TTLL7: variants seen among roughly 807,000 people sequenced by gnomAD.
TTLL7 encodes tubulin polyglutamylase TTLL7.
Under a neutral mutation model 120.2 loss-of-function variants are expected in TTLL7, and 53 were observed. The ratio of observed to expected loss-of-function variants is 0.44; its 90% CI spans 0.35 to 0.55. The LOEUF (loss-of-function observed/expected upper bound fraction) is 0.55. Ranked by LOEUF, TTLL7 falls within the 20% of genes least tolerant of loss-of-function variation. The pLI is 0.00. For synonymous variants in TTLL7, 353 were observed against 351.7 expected (o/e 1.00, Z -0.04); for missense variants, 803 against 1,054.7 (o/e 0.76, Z 3.31).
At chr1:83,883,210 G>T in intron 19 of TTLL7, 74 bp from the exon 20 acceptor site, 1 of 1,206,920 alleles carries the variant, frequency 8.3e-7, no homozygotes, top group Non-Finnish European at 1.1e-6. Flanking sequence ...CACTTCCCTA[G>T]CAACAAACCA....
chr1:83,951,252 G>C (rs1395447207), intron 3 of TTLL7, among the ~76,000 whole-genome samples: 1 of 152,026 alleles, frequency 6.6e-6, no homozygotes, highest in East Asian at 1.9e-4. Context: ...GCGAAACTGA[G>C]GCAGGAGAAT....
intron 3 of TTLL7, among the ~76,000 whole-genome samples, 179 bp downstream of exon 3, chr1:83,951,666 T>C (rs1425018430): frequency 3.9e-5 from 6 of 152,232 alleles, no homozygotes; most frequent in African/African-American, 1.2e-4. Flanking sequence ...TTTAAGGATA[T>C]CATCTTCTAC....
intron 8 of TTLL7, 70 bp from the exon 9 acceptor site, chr1:83,933,836 G>T: frequency 1.3e-6 from 2 of 1,484,152 alleles, no homozygotes; most frequent in Non-Finnish European, 1.8e-6. Flanking sequence ...TATAACCGGG[G>T]CCCACAAACT....
At chr1:83,882,835 C>A in intron 20 of TTLL7, 128 bp downstream of exon 20, 1 of 1,024,712 alleles carries the variant, frequency 9.8e-7, no homozygotes, top group Non-Finnish European at 1.4e-6. Context: ...CAGATAATAG[C>A]ATGTATGAAC....
intron 1 of TTLL7, among the ~76,000 whole-genome samples, chr1:83,953,494 A>T (rs1022826392): frequency 5.3e-5 from 8 of 152,284 alleles, no homozygotes; most frequent in African/African-American, 1.9e-4. Context: ...TTCAATATTA[A>T]AGAAAATTTA....
Position 83,893,966 on chromosome 1 carries a change from A to C in TTLL7, c.2209-3485T>G, listed in dbSNP as rs1394298049. ...CTTCATTATAAAGAGGAATATCTTA[A>C]AACTTCACAACAATATTGAAATATG... is the stretch of plus-strand genomic sequence containing the variant. On this transcript the variant is annotated intron_variant, in intron 18 of 20. Transcript: ENST00000260505. Among the ~76,000 whole-genome samples, 13 of 152,250 alleles carry C rather than the reference A, an allele frequency of 8.5e-5. 1 individual carries two copies. The South Asian group carries it at 1.2e-3, about 15-fold the overall frequency.
intron 7 of TTLL7, among the ~76,000 whole-genome samples, chr1:83,942,093 G>A (rs756969694): frequency 2.6e-5 from 4 of 152,072 alleles, no homozygotes; most frequent in Non-Finnish European, 4.4e-5. Context: ...AACACAAACT[G>A]TCTCAACACA....
chr1:83,961,668 C>T (rs545242641), intron 1 of TTLL7, among the ~76,000 whole-genome samples: 1 of 152,182 alleles, frequency 6.6e-6, no homozygotes, highest in South Asian at 2.1e-4. Context: ...TGACAGAAGA[C>T]AAGGTTATTT....
chr1:83,949,718 T>A lies in TTLL7; in HGVS notation c.279+147A>T, dbSNP rs1219543030. 7.6e-6 allele frequency: 6 copies of A among 786,154 alleles called. No individual in the cohort carries two copies. The African/African-American group carries it at 1.1e-4, about 14-fold the overall frequency. 48.7% of individuals were successfully genotyped at this position (786,154 alleles called of 1,614,324 possible). ...ATGCAGGCTTCATGCAAAGAGCCAA[T>A]ACAACTGGATAGCAACAAAACAGGC... On this transcript the variant is annotated intron_variant, in intron 4 of 20. Coordinates refer to ENST00000260505, the MANE Select transcript of TTLL7 (RefSeq NM_024686.6).
At chr1:83,950,807 C>T (rs1353299423) in intron 3 of TTLL7, among the ~76,000 whole-genome samples, 1 of 152,138 alleles carries the variant, frequency 6.6e-6, no homozygotes, top group Non-Finnish European at 1.5e-5. Flanking sequence ...CTGTCACAGA[C>T]CACCATGCAG....
intron 12 of TTLL7, 66 bp from the exon 13 acceptor site, chr1:83,919,900 A>G: frequency 6.8e-7 from 1 of 1,467,686 alleles, no homozygotes; most frequent in Non-Finnish European, 9.4e-7. Context: ...GTTAACATCA[A>G]CTCCATAGAC....
intron 10 of TTLL7, 43 bp downstream of exon 10, chr1:83,929,092 CA>C (rs1557665063): frequency 7.7e-7 from 1 of 1,301,728 alleles, no homozygotes; most frequent in Admixed American, 1.9e-5. Flanking sequence ...TAATCTATGT[CA>C]AATGTGGAGA....
intron 17 of TTLL7, among the ~76,000 whole-genome samples, chr1:83,905,585 C>A (rs1657131110): frequency 6.7e-6 from 1 of 149,180 alleles, no homozygotes; most frequent in South Asian, 2.1e-4. Flanking sequence ...AAAAAAATGG[C>A]CCAAAATATA....
intron 1 of TTLL7, among the ~76,000 whole-genome samples, chr1:83,985,467 C>T (rs1218780550): frequency 6.6e-6 from 1 of 152,232 alleles, no homozygotes; most frequent in East Asian, 1.9e-4. Context: ...TCAATCTCCT[C>T]TGGCAGTACC....
chr1:83,880,467 A>T (rs1215423654), intron 20 of TTLL7, among the ~76,000 whole-genome samples: 1 of 152,016 alleles, frequency 6.6e-6, no homozygotes, highest in African/African-American at 2.4e-5. Context: ...CATTTGTAAT[A>T]AAGTTCATTT....
At chr1:83,960,272 C>G (rs549214187) in intron 1 of TTLL7, among the ~76,000 whole-genome samples, 1 of 152,172 alleles carries the variant, frequency 6.6e-6, no homozygotes, top group East Asian at 1.9e-4. Flanking sequence ...GTAATATAAT[C>G]CAGATTTATT....
chr1:83,892,381 AATATATAT>A (rs1220953952), intron 18 of TTLL7, among the ~76,000 whole-genome samples: 13 of 55,232 alleles, frequency 2.4e-4, no homozygotes, highest in South Asian at 4.3e-4. Context: ...AATATATATG[AATATATAT>A]ACGAATATAT....
rs1204617364 is a variant in TTLL7 at position 83,868,165 on chromosome 1, G to C, written c.*1797C>G. The C allele has an allele frequency of 6.6e-6, 1 of 152,208 alleles. No homozygotes were observed. The highest frequency in any genetic ancestry group is 6.5e-5 in the Admixed American group (1 of 15,282). The allele number at this position is 152,208 out of a possible 1,614,324, so 9.4% of individuals were successfully genotyped here. On this transcript the variant is annotated 3_prime_UTR_variant, in exon 21 of 21. Coordinates refer to ENST00000260505, the MANE Select transcript of TTLL7 (RefSeq NM_024686.6). Reference sequence around the variant, plus strand: ...TTAGGTTGCCAATTCTTCAGGCTGTGAATTAAACCAGGCCAATTTGCCCCT... The same window carrying C: ...TTAGGTTGCCAATTCTTCAGGCTGTCAATTAAACCAGGCCAATTTGCCCCT...
chr1:83,973,318 GA>G (rs1304944140), intron 1 of TTLL7, among the ~76,000 whole-genome samples: 2 of 152,026 alleles, frequency 1.3e-5, no homozygotes, highest in African/African-American at 2.4e-5. Flanking sequence ...ATGATTTGTT[GA>G]AAAGATATGT....
Sources: allele counts gnomAD v4.1 joint callset (sites outside exome capture counted in the v4.1 genomes callset), GRCh38; gene constraint gnomAD v4.1.1; transcripts MANE v1.5; gene names NCBI Gene and HGNC (gene_info 2026-07-23, HGNC 2026-07-21).